Variants in MET observed in about 807,000 individuals in gnomAD.
MET encodes MET proto-oncogene, receptor tyrosine kinase.
In MET, 48 loss-of-function variants were observed where a neutral mutation model predicts 133.1. The ratio of observed to expected loss-of-function variants is 0.36; its 90% CI spans 0.29 to 0.46. The LOEUF (loss-of-function observed/expected upper bound fraction) is 0.46, where lower values mean the gene tolerates loss of function less well. Ranked by LOEUF, MET falls within the 20% of genes least tolerant of loss-of-function variation. The pLI is 1.00. For synonymous variants in MET, 628 were observed against 616.5 expected, an observed-to-expected ratio of 1.02 and a Z score of -0.28; for missense variants, 1,442 against 1,695.9, an observed-to-expected ratio of 0.85 and a Z score of 2.63.
At chr7:116,771,181 T>C (rs939868348) in intron 12 of MET, among the ~76,000 whole-genome samples, 55 of 152,214 alleles carry the variant, frequency 3.6e-4, no homozygotes, top group Non-Finnish European at 1.0e-4. Context: ...CATACCACAC[T>C]GTACTGGAAT....
chr7:116,735,779 CT>C (rs34534013), intron 3 of MET, among the ~76,000 whole-genome samples: 23,678 of 129,558 alleles, frequency 0.18, 1,798 homozygotes, highest in East Asian at 0.28. Flanking sequence ...TTAGCTTTGG[CT>C]TTTTTTTTTT....
chr7:116,701,496 CTTT>C (rs1791578370), intron 2 of MET, among the ~76,000 whole-genome samples: 1 of 152,124 alleles, frequency 6.6e-6, no homozygotes, highest in Non-Finnish European at 1.5e-5. Flanking sequence ...CTATAGTTAA[CTTT>C]TTATGATGCT....
intron 6 of MET, among the ~76,000 whole-genome samples, chr7:116,756,443 A>T (rs950260100): frequency 3.3e-4 from 50 of 152,170 alleles, no homozygotes; most frequent in Non-Finnish European, 5.1e-4. Flanking sequence ...CCAAAACACT[A>T]ATGAAGGTAA....
rs145507435 is a variant in MET at position 116,725,511 on chromosome 7, G to A, written c.1201-6157G>A. Among the ~76,000 whole-genome samples, 272 of 147,296 alleles carry A rather than the reference G, an allele frequency of 1.8e-3. 2 individuals are homozygous for A. The highest frequency in any genetic ancestry group is 6.4e-3 in the African/African-American group (257 of 40,314). ...ACACACACACAAAAGAATTATGTAC[G>A]GTCCTGCATTGCTTGCATTCTGAGA... is the stretch of plus-strand genomic sequence containing the variant. On this transcript the variant is annotated intron_variant, in intron 2 of 20. Transcript: ENST00000397752.
chr7:116,738,648 G>C (rs1793327403), intron 3 of MET, among the ~76,000 whole-genome samples: 1 of 152,156 alleles, frequency 6.6e-6, no homozygotes, highest in African/African-American at 2.4e-5. Flanking sequence ...TTTTACAGCT[G>C]TATGTGAGCT....
intron 1 of MET, among the ~76,000 whole-genome samples, chr7:116,690,811 A>T (rs1796757218): frequency 6.6e-6 from 1 of 152,236 alleles, no homozygotes; most frequent in African/African-American, 2.4e-5. Flanking sequence ...AACTCTTAGT[A>T]TCTAGTCAAG....
chr7:116,713,481 T>C (rs1792081529), intron 2 of MET, among the ~76,000 whole-genome samples: 1 of 151,784 alleles, frequency 6.6e-6, no homozygotes, highest in Non-Finnish European at 1.5e-5. Flanking sequence ...GTAATCCCAG[T>C]GGCAACATTC....
chr7:116,755,066 C>T (rs1046784372), intron 5 of MET, among the ~76,000 whole-genome samples: 2 of 119,602 alleles, frequency 1.7e-5, no homozygotes, highest in East Asian at 5.4e-4. Flanking sequence ...CGGAAGGACT[C>T]GAAAAGCCCC....
chr7:116,702,099 C>T (rs1157872878), intron 2 of MET, among the ~76,000 whole-genome samples: 1 of 151,992 alleles, frequency 6.6e-6, no homozygotes, highest in Non-Finnish European at 1.5e-5. Flanking sequence ...TTTTAGTGTT[C>T]CAAGGGAGAC....
chr7:116,734,562 C>T (rs993656177), intron 3 of MET, among the ~76,000 whole-genome samples: 1 of 152,218 alleles, frequency 6.6e-6, no homozygotes, highest in African/African-American at 2.4e-5. Flanking sequence ...TTATCTTGTA[C>T]AGGTGCAGCT....
intron 2 of MET, among the ~76,000 whole-genome samples, chr7:116,727,176 G>A (rs1363607564): frequency 6.6e-6 from 1 of 152,140 alleles, no homozygotes; most frequent in Non-Finnish European, 1.5e-5. Context: ...TAAAGTCAGG[G>A]ACTTAAATGA....
At chr7:116,689,711 G>T (rs1036164388) in intron 1 of MET, among the ~76,000 whole-genome samples, 1 of 151,770 alleles carries the variant, frequency 6.6e-6, no homozygotes, top group African/African-American at 2.4e-5. Context: ...TGGGACTATA[G>T]GCACATGCCA....
intron 3 of MET, among the ~76,000 whole-genome samples, chr7:116,736,664 T>C (rs1291789951): frequency 6.6e-6 from 1 of 152,180 alleles, no homozygotes; most frequent in Non-Finnish European, 1.5e-5. Context: ...CTATGTGAGA[T>C]CAAAACCACA....
At chr7:116,763,415 A>T (rs943726770) in intron 11 of MET, 147 bp downstream of exon 11, 6 of 759,170 alleles carry the variant, frequency 7.9e-6, no homozygotes, top group Admixed American at 4.5e-5. Flanking sequence ...TCTTTTTGGC[A>T]TAAAACTAAA....
At chr7:116,697,575 C>T (rs1039756141) in intron 1 of MET, among the ~76,000 whole-genome samples, 1 of 152,172 alleles carries the variant, frequency 6.6e-6, no homozygotes, top group Non-Finnish European at 1.5e-5. Context: ...GGCTACTACA[C>T]TTAACCATTA....
intron 2 of MET, among the ~76,000 whole-genome samples, chr7:116,725,056 T>C (rs1383563784): frequency 1.3e-5 from 2 of 152,216 alleles, no homozygotes; most frequent in African/African-American, 4.8e-5. Context: ...GACAAGGCTC[T>C]TAGGCATCCC....
chr7:116,720,725 C>G (rs1239661289), intron 2 of MET, among the ~76,000 whole-genome samples: 3 of 137,314 alleles, frequency 2.2e-5, no homozygotes, highest in African/African-American at 5.6e-5. Context: ...AAGGCTTTTT[C>G]TGCATCTATT....
intron 2 of MET, among the ~76,000 whole-genome samples, chr7:116,711,492 T>C (rs186107741): frequency 1.5e-4 from 23 of 152,342 alleles, no homozygotes; most frequent in Admixed American, 4.6e-4. Flanking sequence ...ATAATCTAAT[T>C]CAGTCTTGTA....
intron 14 of MET, 75 bp downstream of exon 14, chr7:116,772,064 T>C (rs1794855658): frequency 6.5e-7 from 1 of 1,541,894 alleles, no homozygotes; most frequent in South Asian, 1.1e-5. Context: ...TGTTTATTTT[T>C]GGTTTTGCAT....
Sources: allele counts gnomAD v4.1 joint callset (sites outside exome capture counted in the v4.1 genomes callset), GRCh38; gene constraint gnomAD v4.1.1; transcripts MANE v1.5; gene names NCBI Gene and HGNC (gene_info 2026-07-23, HGNC 2026-07-21).